The following SATL1 variants were observed in gnomAD, a reference collection of about 807,000 sequenced individuals.
The protein encoded by SATL1 is spermidine/spermine N1-acetyl transferase like 1, also known as spermidine/spermine N(1)-acetyltransferase-like protein 1.
In SATL1, 47 loss-of-function variants were observed where a neutral mutation model predicts 51.8. The ratio of observed to expected loss-of-function variants is 0.91; its 90% confidence interval spans 0.72 to 1.16. The LOEUF (loss-of-function observed/expected upper bound fraction) is 1.16, where lower values mean the gene tolerates loss of function less well. Ranked by LOEUF, SATL1 falls within the 50% of genes most tolerant of loss-of-function variation. The pLI is 0.00. For synonymous variants in SATL1, 176 were observed against 182.4 expected (o/e 0.97, Z 0.28); for missense variants, 520 against 526.4 (o/e 0.99, Z 0.12).
At position 85,108,201 on chromosome X, in the gene SATL1, G is replaced by C. The variant is rs762497199; in HGVS notation, c.768C>G (p.Ser256=). Residue 256 remains serine (S), a synonymous_variant, in exon 3 of 8, where the codon TCC becomes TCG. Transcript: ENST00000644105. ...TTGGCTGGATTATACCTGTTTGGTT[G>C]GAATCTGATAAACTTGATTGGTTTG... ...PDANQSSLSD[S]NQTGIIQPSP... is the part of the protein sequence containing the mutation. 4 of 1,211,582 alleles carry C rather than the reference G, an allele frequency of 3.3e-6. No homozygotes were observed. The highest frequency in any genetic ancestry group is 4.5e-6 in the Non-Finnish European group (4 of 895,462).
At chrX:85,198,418 T>C (rs1678764334) in intron 2 of SATL1, among the ~76,000 whole-genome samples, 1 of 111,718 alleles carries the variant, frequency 9.0e-6, no homozygotes, top group Non-Finnish European at 1.9e-5. Context: ...CTGTTCTCCA[T>C]AGTGGTTGTA....
At chrX:85,230,568 G>A (rs1928359059) in intron 1 of SATL1, among the ~76,000 whole-genome samples, 1 of 112,017 alleles carries the variant, frequency 8.9e-6, no homozygotes, top group Admixed American at 9.5e-5. Flanking sequence ...AGACAAGTGG[G>A]ACTACATCAA....
intron 2 of SATL1, among the ~76,000 whole-genome samples, chrX:85,135,809 A>G (rs1473796904): frequency 1.8e-5 from 2 of 109,592 alleles, no homozygotes; most frequent in Admixed American, 1.9e-4. Context: ...CAAACTCCTG[A>G]GCTCAAGCGT....
At chrX:85,101,533 G>A (rs983610557) in intron 4 of SATL1, among the ~76,000 whole-genome samples, 22 of 112,013 alleles carry the variant, frequency 2.0e-4, no homozygotes, top group African/African-American at 6.5e-4. Context: ...ACAAAAATAA[G>A]TGTTGGTGAG....
chrX:85,243,022 A>G (rs1262228455), intron 1 of SATL1, among the ~76,000 whole-genome samples: 1 of 112,216 alleles, frequency 8.9e-6, no homozygotes, highest in Admixed American at 9.4e-5. Context: ...CTCCTGGTCT[A>G]CTATGAGCCA....
intron 2 of SATL1, among the ~76,000 whole-genome samples, chrX:85,170,662 C>A (rs1469403744): frequency 3.6e-5 from 4 of 111,512 alleles, no homozygotes; most frequent in Admixed American, 1.9e-4. Context: ...AATGTGTTAA[C>A]TGAGTTTGGA....
intron 2 of SATL1, among the ~76,000 whole-genome samples, chrX:85,153,111 A>T (rs1926503107): frequency 9.0e-6 from 1 of 111,441 alleles, no homozygotes; most frequent in African/African-American, 3.3e-5. Context: ...TTATAAAAAC[A>T]CTAGAAGTTC....
chrX:85,228,792 T>C (rs1361138890), intron 1 of SATL1, among the ~76,000 whole-genome samples: 1 of 111,902 alleles, frequency 8.9e-6, no homozygotes, highest in Non-Finnish European at 1.9e-5. Context: ...ATTCTCATTT[T>C]TATGATTTCT....
intron 2 of SATL1, among the ~76,000 whole-genome samples, chrX:85,136,525 A>G (rs1000629099): frequency 1.8e-5 from 2 of 112,120 alleles, no homozygotes; most frequent in African/African-American, 6.5e-5. Context: ...GGGAGCAGAG[A>G]GTTTCCAGAA....
At chrX:85,214,353 A>G (rs1156644298) in intron 2 of SATL1, among the ~76,000 whole-genome samples, 2 of 111,123 alleles carry the variant, frequency 1.8e-5, no homozygotes, top group Non-Finnish European at 3.8e-5. Flanking sequence ...ATGAGAAGTA[A>G]TAGAGGAAGA....
At chrX:85,163,909 A>G (rs993333089) in intron 2 of SATL1, among the ~76,000 whole-genome samples, 16 of 111,830 alleles carry the variant, frequency 1.4e-4, no homozygotes, top group African/African-American at 3.9e-4. Flanking sequence ...TCTTAAGTCT[A>G]GTAGTAATCA....
intron 2 of SATL1, among the ~76,000 whole-genome samples, chrX:85,205,131 C>A (rs1204131161): frequency 9.0e-6 from 1 of 111,720 alleles, no homozygotes; most frequent in Non-Finnish European, 1.9e-5. Context: ...TTCAAGAGAC[C>A]ATTAAAGTAT....
intron 2 of SATL1, among the ~76,000 whole-genome samples, chrX:85,213,856 A>T (rs1569248549): frequency 8.9e-6 from 1 of 111,759 alleles, no homozygotes. Context: ...AGAATTAAAT[A>T]AGAGAGAATG....
chrX:85,166,289 T>A (rs1926832783), intron 2 of SATL1, among the ~76,000 whole-genome samples: 1 of 111,620 alleles, frequency 9.0e-6, no homozygotes, highest in Non-Finnish European at 1.9e-5. Context: ...TGGGACTTAA[T>A]TAAACTAAAA....
intron 4 of SATL1, among the ~76,000 whole-genome samples, chrX:85,100,379 G>A (rs1924862744): frequency 9.0e-6 from 1 of 111,700 alleles, no homozygotes; most frequent in Non-Finnish European, 1.9e-5. Flanking sequence ...ACAAAAATAA[G>A]TTGTGTTTCT....
intron 2 of SATL1, among the ~76,000 whole-genome samples, chrX:85,134,165 A>G (rs1925888973): frequency 1.8e-5 from 2 of 110,782 alleles, no homozygotes. Context: ...GTATGTATAT[A>G]TATGTGTGTG....
chrX:85,178,651 A>AC (rs1569242582), intron 2 of SATL1, among the ~76,000 whole-genome samples: 17 of 110,316 alleles, frequency 1.5e-4, no homozygotes, highest in African/African-American at 4.9e-4. Flanking sequence ...AACAAACAAA[A>AC]AAAAACAAAA....
At chrX:85,099,926 C>T (rs930484597) in intron 4 of SATL1, among the ~76,000 whole-genome samples, 1 of 112,519 alleles carries the variant, frequency 8.9e-6, no homozygotes, top group African/African-American at 3.2e-5. Context: ...CATCCATAGG[C>T]CAGGCCCAGT....
intron 2 of SATL1, among the ~76,000 whole-genome samples, chrX:85,213,697 A>T (rs1435789000): frequency 8.9e-6 from 1 of 112,115 alleles, no homozygotes; most frequent in Non-Finnish European, 1.9e-5. Context: ...TTATGCAGTA[A>T]GACAAAATGC....
Sources: gnomAD v4.1 joint callset for allele counts (sites outside exome capture counted in the v4.1 genomes callset) on GRCh38, gnomAD v4.1.1 for gene constraint, MANE v1.5 for transcripts, NCBI Gene and HGNC (gene_info 2026-07-23, HGNC 2026-07-21) for gene names.